Variants in IQCH observed in about 807,000 individuals in gnomAD.
The protein encoded by IQCH is IQ domain-containing protein H.
IQCH carries 98 observed loss-of-function variants against 117.0 expected under a neutral mutation model. The ratio of observed to expected loss-of-function variants is 0.84; its 90% CI spans 0.71 to 0.99. The LOEUF (loss-of-function observed/expected upper bound fraction) is 0.99. Ranked by LOEUF, IQCH falls within the 50% of genes least tolerant of loss-of-function variation. IQCH has a pLI of 0.00. For missense variants in IQCH, 1,102 were observed against 1,243.8 expected, an observed-to-expected ratio of 0.89 and a Z score of 1.72; for synonymous variants, 412 against 448.2, an observed-to-expected ratio of 0.92 and a Z score of 1.02.
intron 4 of IQCH, among the ~76,000 whole-genome samples, chr15:67,312,668 A>G: frequency 6.6e-6 from 1 of 152,160 alleles, no homozygotes. Flanking sequence ...CAAGGAGGAA[A>G]ATAGAGCAGC....
At chr15:67,363,727 T>C (rs1289827520) in intron 8 of IQCH, among the ~76,000 whole-genome samples, 1 of 152,120 alleles carries the variant, frequency 6.6e-6, no homozygotes, top group Non-Finnish European at 1.5e-5. Context: ...CACCCTCAAG[T>C]AGGCCCCTGT....
intron 14 of IQCH, among the ~76,000 whole-genome samples, chr15:67,412,695 G>T (rs1013647408): frequency 3.3e-5 from 5 of 152,072 alleles, no homozygotes; most frequent in Non-Finnish European, 7.4e-5. Flanking sequence ...CACCGCGCCC[G>T]GCCTCATTTC....
Position 67,301,936 on chromosome 15 carries a change from A to G in IQCH, c.387+22424A>G, listed in dbSNP as rs950654223. On this transcript the variant is annotated intron_variant, in intron 4 of 20. Transcript: ENST00000335894. ...CACCTATCATTTCTGTTGGATTTCT[A>G]TTTACATACTGATTTCTTTTCAGAA... 2.0e-5 allele frequency among the ~76,000 whole-genome samples: 3 copies of G among 152,148 alleles called. No homozygotes were observed. The East Asian group carries it at 5.8e-4, about 29-fold the overall frequency.
chr15:67,488,368 G>C (rs1192613230), intron 18 of IQCH, among the ~76,000 whole-genome samples: 2 of 152,146 alleles, frequency 1.3e-5, no homozygotes. Context: ...ATTATAACGG[G>C]TTCAAAAGAG....
At chr15:67,326,048 T>C (rs1018577501) in intron 4 of IQCH, among the ~76,000 whole-genome samples, 7 of 152,222 alleles carry the variant, frequency 4.6e-5, no homozygotes, top group African/African-American at 1.4e-4. Context: ...GCGTGTGCCA[T>C]GTTGGTGTGC....
chr15:67,281,278 C>T (rs1966345635), intron 4 of IQCH, among the ~76,000 whole-genome samples: 1 of 151,730 alleles, frequency 6.6e-6, no homozygotes, highest in African/African-American at 2.4e-5. Flanking sequence ...TAAAAGTTTG[C>T]TCAAAATCAC....
rs1965049130 is a variant in IQCH, at chr15:67,254,810, G to A, written c.-87G>A. ...TGGAACAGGCCAGGTCGCGCGCGGT[G>A]TTGCCATGGGGACGAGCGGCTCCGG... On this transcript the variant is annotated 5_prime_UTR_variant, in exon 1 of 21. Coordinates refer to ENST00000335894, the MANE Select transcript of IQCH (RefSeq NM_001031715.3). 1.4e-6 allele frequency: 2 copies of A among 1,456,810 alleles called. No individual in the cohort carries two copies. The highest frequency in any genetic ancestry group is 1.9e-6 in the Non-Finnish European group (2 of 1,055,466). The allele number at this position is 1,456,810 out of a possible 1,614,324, so 90.2% of individuals were successfully genotyped here.
intron 17 of IQCH, among the ~76,000 whole-genome samples, chr15:67,468,938 C>A (rs1006093827): frequency 3.9e-5 from 6 of 152,154 alleles, no homozygotes; most frequent in Admixed American, 3.9e-4. Flanking sequence ...GGCGAAAATA[C>A]AATATGTTCC....
intron 3 of IQCH, among the ~76,000 whole-genome samples, chr15:67,268,252 G>A (rs749003338): frequency 1.3e-5 from 2 of 152,024 alleles, no homozygotes; most frequent in Non-Finnish European, 2.9e-5. Context: ...TGGTGATAAC[G>A]AATGCCAGCA....
intron 3 of IQCH, among the ~76,000 whole-genome samples, chr15:67,265,962 G>A (rs1228813944): frequency 6.6e-6 from 1 of 152,132 alleles, no homozygotes; most frequent in Non-Finnish European, 1.5e-5. Flanking sequence ...ATTTACCAAT[G>A]GCACAACTCA....
At chr15:67,437,309 A>G (rs1265016931) in intron 16 of IQCH, among the ~76,000 whole-genome samples, 16 of 152,156 alleles carry the variant, frequency 1.1e-4, no homozygotes, top group Admixed American at 1.0e-3. Context: ...GAGAGACAAC[A>G]ATCACTGCAT....
Position 67,280,843 on chromosome 15 carries a change from A to G in IQCH, c.387+1331A>G, listed in dbSNP as rs77700078. ...AACAATCCTAGAAGGAGGTGTTATTATTATTATTATTATTATTATTAAGAT... is the reference window on the plus strand; with the variant it reads ...AACAATCCTAGAAGGAGGTGTTATTGTTATTATTATTATTATTATTAAGAT... On this transcript the variant is annotated intron_variant, in intron 4 of 20. Coordinates refer to ENST00000335894, the MANE Select transcript of IQCH (RefSeq NM_001031715.3). Among the ~76,000 whole-genome samples, 22 of 114,628 alleles carry G rather than the reference A, an allele frequency of 1.9e-4. No homozygotes were observed. The East Asian group carries it at 4.5e-3, about 24-fold the overall frequency. 75.2% of individuals were successfully genotyped at this position (114,628 alleles called of 152,430 possible).
intron 4 of IQCH, among the ~76,000 whole-genome samples, chr15:67,332,924 G>A (rs1356448610): frequency 6.6e-6 from 1 of 152,060 alleles, no homozygotes; most frequent in African/African-American, 2.4e-5. Flanking sequence ...CGATAAACTG[G>A]GTGGTTTATA....
At chr15:67,363,176 C>T (rs116010240) in intron 8 of IQCH, among the ~76,000 whole-genome samples, 2 of 146,438 alleles carry the variant, frequency 1.4e-5, no homozygotes, top group Admixed American at 6.8e-5. Flanking sequence ...AATCCAGACA[C>T]GGAAAAAAAA....
chr15:67,337,058 C>G lies in IQCH; in HGVS notation c.471C>G (p.Phe157Leu), dbSNP rs1968925225. 2 of 1,613,646 alleles carry G rather than the reference C, an allele frequency of 1.2e-6. No homozygotes were observed. Among genetic ancestry groups the G allele is most frequent in the Non-Finnish European group, 1.7e-6 (2 of 1,179,718 alleles). Residue 157 changes from phenylalanine to leucine, a missense_variant, in exon 5 of 21, where the codon TTC (phenylalanine) becomes TTG (leucine). Transcript: ENST00000335894. Reference sequence around the variant, plus strand: ...CTTCTCATTGCACAGATCCCTATTTCACTCCTATACCAGTCTTACAAGCAG... The same window carrying G: ...CTTCTCATTGCACAGATCCCTATTTGACTCCTATACCAGTCTTACAAGCAG... ...LPSSHCTDPY[F>L]TPIPVLQADA...
intron 4 of IQCH, among the ~76,000 whole-genome samples, chr15:67,297,815 A>T (rs1406094210): frequency 6.6e-6 from 1 of 152,140 alleles, no homozygotes; most frequent in Non-Finnish European, 1.5e-5. Context: ...GCACAGGCAA[A>T]CAAAGCAAAA....
intron 16 of IQCH, among the ~76,000 whole-genome samples, chr15:67,452,471 C>T (rs1221662248): frequency 6.6e-6 from 1 of 152,190 alleles, no homozygotes; most frequent in Non-Finnish European, 1.5e-5. Context: ...TTTTATTTCT[C>T]TTTCACTTAT....
chr15:67,411,042 T>A lies in IQCH; in HGVS notation c.2098-5889T>A, dbSNP rs926537166. Among the ~76,000 whole-genome samples, 13 of 151,854 alleles carry A rather than the reference T, an allele frequency of 8.6e-5. No homozygotes were observed. The highest frequency in any genetic ancestry group is 3.1e-4 in the African/African-American group (13 of 41,382). ...ACCACCCCCACCCCACCCCTGCACA[T>A]GCCTACCATATGGTGAGCTTTTAAT... is the stretch of plus-strand genomic sequence containing the variant. On this transcript the variant is annotated intron_variant, in intron 14 of 20. Transcript: ENST00000335894. This position sits in a 1 kb window ranked among gnomAD's most constrained non-coding sequence, Gnocchi z 4.4.
chr15:67,335,999 A>G (rs1255186381), intron 4 of IQCH, among the ~76,000 whole-genome samples: 1 of 152,048 alleles, frequency 6.6e-6, no homozygotes, highest in Non-Finnish European at 1.5e-5. Context: ...TATGACCTTA[A>G]TGGCAATAAG....
Sources: gnomAD v4.1 joint callset for allele counts (sites outside exome capture counted in the v4.1 genomes callset) on GRCh38, gnomAD v4.1.1 for gene constraint, Gnocchi (gnomAD v3.1) non-coding constraint, MANE v1.5 for transcripts, NCBI Gene and HGNC (gene_info 2026-07-23, HGNC 2026-07-21) for gene names.